The following PPM1H variants were observed in gnomAD, a reference collection of about 807,000 sequenced individuals.
PPM1H encodes the protein protein phosphatase 1H.
Under a neutral mutation model 54.9 loss-of-function variants are expected in PPM1H, and 27 were observed. The ratio of observed to expected loss-of-function variants is 0.49; its 90% CI spans 0.36 to 0.68. The LOEUF (loss-of-function observed/expected upper bound fraction) is 0.68, where lower values mean the gene tolerates loss of function less well. Ranked by LOEUF, PPM1H falls within the 30% of genes least tolerant of loss-of-function variation. The pLI is 0.00. For missense variants in PPM1H, 596 were observed against 667.8 expected, an observed-to-expected ratio of 0.89 and a Z score of 1.19; for synonymous variants, 305 against 270.8, an observed-to-expected ratio of 1.13 and a Z score of -1.24.
chr12:62,731,218 C>A (rs898517338), intron 5 of PPM1H, among the ~76,000 whole-genome samples: 1 of 152,092 alleles, frequency 6.6e-6, no homozygotes, highest in Non-Finnish European at 1.5e-5. Context: ...ACCTCATATG[C>A]CATTTTATGA....
At chr12:62,725,849 AC>A (rs1199447079) in intron 5 of PPM1H, among the ~76,000 whole-genome samples, 4 of 152,038 alleles carry the variant, frequency 2.6e-5, no homozygotes, top group Admixed American at 2.0e-4. Flanking sequence ...AAAAACAAAG[AC>A]GTGTCTTAGT....
At chr12:62,802,569 C>CT (rs34384026) in intron 2 of PPM1H, among the ~76,000 whole-genome samples, 69,670 of 145,050 alleles carry the variant, frequency 0.48, 18,232 homozygotes, top group Non-Finnish European at 0.59. Context: ...TAACTCCCGT[C>CT]TTTTTTTTTT....
At chr12:62,746,607 T>G (rs2076412596) in intron 4 of PPM1H, among the ~76,000 whole-genome samples, 1 of 152,220 alleles carries the variant, frequency 6.6e-6, no homozygotes, top group Non-Finnish European at 1.5e-5. Context: ...GGGGATGTCC[T>G]TGTTGCGAGG....
chr12:62,802,233 C>T (rs894649202), intron 2 of PPM1H, 73 bp from the exon 3 acceptor site: 5 of 1,254,250 alleles, frequency 4.0e-6, no homozygotes, highest in African/African-American at 1.5e-5. Flanking sequence ...GATTGTGGGA[C>T]ATCTATGGGA....
intron 3 of PPM1H, among the ~76,000 whole-genome samples, chr12:62,797,118 C>T (rs2076738809): frequency 6.6e-6 from 1 of 152,044 alleles, no homozygotes. Context: ...TGGAGACAGA[C>T]AAGCAGGTAG....
chr12:62,645,136 C>A lies in PPM1H; in HGVS notation c.*3353G>T, dbSNP rs1462573498. ...GAGATTTGTCCCTAATGTTTTCATA[C>A]TAGTGCTCTTGTTAAATGGAAAACC... On this transcript the variant is annotated 3_prime_UTR_variant, in exon 10 of 10. Transcript: ENST00000228705. 1 of 152,170 alleles carries A rather than the reference C, an allele frequency of 6.6e-6. No individual in the cohort carries two copies. The highest frequency in any genetic ancestry group is 2.4e-5 in the African/African-American group (1 of 41,436). 9.4% of individuals were successfully genotyped at this position (152,170 alleles called of 1,614,324 possible).
At chr12:62,798,948 T>A (rs2076751185) in intron 3 of PPM1H, among the ~76,000 whole-genome samples, 1 of 152,176 alleles carries the variant, frequency 6.6e-6, no homozygotes. Flanking sequence ...TCACCCTGTA[T>A]TTCCCCTCTC....
intron 1 of PPM1H, among the ~76,000 whole-genome samples, chr12:62,867,934 T>A (rs555578461): frequency 1.8e-4 from 27 of 152,230 alleles, no homozygotes; most frequent in Middle Eastern, 3.4e-3. Context: ...CTGGTGTAAA[T>A]GCCCATATTA....
intron 5 of PPM1H, among the ~76,000 whole-genome samples, chr12:62,730,001 A>C (rs1344655053): frequency 6.6e-6 from 1 of 152,068 alleles, no homozygotes; most frequent in Non-Finnish European, 1.5e-5. Context: ...TGGTCTTGTG[A>C]AATTCCTTCT....
intron 1 of PPM1H, among the ~76,000 whole-genome samples, chr12:62,854,711 T>A (rs1003030554): frequency 1.0e-4 from 14 of 139,826 alleles, no homozygotes; most frequent in African/African-American, 3.3e-4. Context: ...AAAGCTTTAC[T>A]TTTATTTAAC....
chr12:62,730,841 C>T (rs1001524910), intron 5 of PPM1H, among the ~76,000 whole-genome samples: 4 of 152,258 alleles, frequency 2.6e-5, no homozygotes, highest in Admixed American at 6.5e-5. Flanking sequence ...CTAACAGTCA[C>T]GCTAACAGTC....
intron 1 of PPM1H, among the ~76,000 whole-genome samples, chr12:62,908,407 CA>C (rs751766456): frequency 1.3e-3 from 122 of 96,882 alleles, no homozygotes; most frequent in South Asian, 1.8e-3. Flanking sequence ...GACTCCGTCT[CA>C]AAAAAAAAAA....
intron 7 of PPM1H, among the ~76,000 whole-genome samples, chr12:62,690,283 G>T (rs1334990056): frequency 6.6e-6 from 1 of 152,106 alleles, no homozygotes; most frequent in Non-Finnish European, 1.5e-5. Flanking sequence ...TATGTCCTTA[G>T]TCCTGTGATA....
rs983372951 is a variant in PPM1H at position 62,934,301 on chromosome 12, T to C, written c.245+191A>G. ...TACCGGGGCTGGAGACGCCGCGTCC[T>C]TGGGCTGGGGGAAGAGGGAGTGGGG... On this transcript the variant is annotated intron_variant, in intron 1 of 9. Coordinates refer to ENST00000228705, the MANE Select transcript of PPM1H (RefSeq NM_020700.2). The surrounding 1 kb of genome is among the most constrained non-coding windows in gnomAD (Gnocchi z 4.2). 4.6e-5 allele frequency among the ~76,000 whole-genome samples: 7 copies of C among 152,086 alleles called. No homozygotes were observed. The highest frequency in any genetic ancestry group is 8.8e-5 in the Non-Finnish European group (6 of 68,008).
intron 8 of PPM1H, among the ~76,000 whole-genome samples, chr12:62,672,347 C>T (rs1293051652): frequency 1.3e-5 from 2 of 152,198 alleles, no homozygotes; most frequent in African/African-American, 4.8e-5. Flanking sequence ...ACAAAGGAGA[C>T]AGGCAACTGA....
rs1198334702 is a variant in PPM1H, at chr12:62,684,261, G to A, written c.1245+5438C>T. 2.0e-5 allele frequency among the ~76,000 whole-genome samples: 3 copies of A among 152,240 alleles called. No individual in the cohort carries two copies. In the East Asian group the frequency reaches 5.8e-4, roughly 30 times the overall value. ...CAGACAACAGGCCTGTGCTCGACTG[G>A]TGGTGAGGGCCTCTCTTGGAATTCA... On this transcript the variant is annotated intron_variant, in intron 8 of 9. Coordinates refer to ENST00000228705, the MANE Select transcript of PPM1H (RefSeq NM_020700.2).
intron 1 of PPM1H, among the ~76,000 whole-genome samples, chr12:62,925,718 T>C (rs1371865088): frequency 6.6e-6 from 1 of 152,228 alleles, no homozygotes; most frequent in Non-Finnish European, 1.5e-5. Flanking sequence ...CTTCAAGCCA[T>C]ATAGCCATAT....
intron 4 of PPM1H, among the ~76,000 whole-genome samples, chr12:62,750,264 T>C (rs2076435139): frequency 6.6e-6 from 1 of 152,208 alleles, no homozygotes; most frequent in African/African-American, 2.4e-5. Flanking sequence ...CCTGTACTTT[T>C]TAGTAGCCAC....
At chr12:62,693,878 G>A in intron 7 of PPM1H, 58 bp downstream of exon 7, 2 of 1,495,158 alleles carry the variant, frequency 1.3e-6, no homozygotes, top group Non-Finnish European at 1.8e-6. Flanking sequence ...CGGGCTATGT[G>A]GAGCGAAGGC....
Sources: allele counts gnomAD v4.1 joint callset (sites outside exome capture counted in the v4.1 genomes callset), GRCh38; gene constraint gnomAD v4.1.1; non-coding constraint Gnocchi (gnomAD v3.1); transcripts MANE v1.5; gene names NCBI Gene and HGNC (gene_info 2026-07-23, HGNC 2026-07-21).